Variants in SLC39A9 observed in about 807,000 individuals in gnomAD.
The protein encoded by SLC39A9 is zinc transporter ZIP9.
SLC39A9 carries 14 observed loss-of-function variants against 28.4 expected under a neutral mutation model. The observed-to-expected ratio is 0.49, with a 90% CI of 0.33 to 0.77. The LOEUF (loss-of-function observed/expected upper bound fraction) is 0.77, where lower values mean the gene tolerates loss of function less well. SLC39A9 is among the 30% of genes least tolerant of loss of function. The pLI, the probability that SLC39A9 is intolerant of heterozygous loss-of-function variation, is 0.02. For missense variants in SLC39A9, 283 were observed against 381.1 expected (o/e 0.74, Z 2.14); for synonymous variants, 119 against 149.6 (o/e 0.80, Z 1.49).
At chr14:69,447,965 A>G (rs1566923530) in intron 3 of SLC39A9, among the ~76,000 whole-genome samples, 1 of 150,956 alleles carries the variant, frequency 6.6e-6, no homozygotes, top group Non-Finnish European at 1.5e-5. Flanking sequence ...TTGTAATCCC[A>G]GCACTTTGGG....
intron 3 of SLC39A9, among the ~76,000 whole-genome samples, chr14:69,452,198 T>C (rs1041294473): frequency 1.3e-4 from 20 of 152,196 alleles, no homozygotes; most frequent in Non-Finnish European, 2.8e-4. Flanking sequence ...TTAACTAGAC[T>C]GGACATTGAG....
chr14:69,398,474 A>C (rs778066096), upstream of SLC39A9: 1 of 599,866 alleles, frequency 1.7e-6, no homozygotes, highest in Non-Finnish European at 3.0e-6. Flanking sequence ...TCCAAGCTTT[A>C]GGAAGAATTA....
chr14:69,412,647 A>C (rs1432940332), intron 1 of SLC39A9, among the ~76,000 whole-genome samples: 1 of 152,118 alleles, frequency 6.6e-6, no homozygotes, highest in African/African-American at 2.4e-5. Flanking sequence ...CATTTAATTC[A>C]TTCTTTCAAT....
At chr14:69,443,736 G>A (rs1885156304) in intron 3 of SLC39A9, among the ~76,000 whole-genome samples, 1 of 152,064 alleles carries the variant, frequency 6.6e-6, no homozygotes, top group African/African-American at 2.4e-5. Flanking sequence ...TGAGCATAGT[G>A]GTACGCACCT....
Position 69,458,458 on chromosome 14 carries a change from C to T in SLC39A9, c.789C>T (p.Leu263=), listed in dbSNP as rs763452291. Residue 263 remains leucine (L), a synonymous_variant, in exon 7 of 7, where the codon CTC becomes CTT. Coordinates refer to ENST00000336643, the MANE Select transcript of SLC39A9 (RefSeq NM_018375.5). The stretch of plus-strand genomic sequence containing the variant: ...TTTATGTTGCCACAGTACATGTCCT[C>T]CCTGAGGTGGGCGGAATAGGGCACA... ...TFLYVATVHV[L]PEVGGIGHSH... is the part of the protein sequence containing the mutation. The T allele has an allele frequency of 2.5e-6, 4 of 1,614,238 alleles. No homozygotes were observed. The South Asian group carries it at 4.4e-5, about 18-fold the overall frequency.
intron 3 of SLC39A9, among the ~76,000 whole-genome samples, chr14:69,451,879 C>G (rs1425916526): frequency 6.6e-6 from 1 of 152,064 alleles, no homozygotes; most frequent in East Asian, 1.9e-4. Context: ...CCACACTTGG[C>G]TAAATTTTAA....
At chr14:69,441,802 C>T (rs1885062138) in intron 2 of SLC39A9, 1 of 1,156,766 alleles carries the variant, frequency 8.6e-7, no homozygotes, top group Non-Finnish European at 1.1e-6. Context: ...TGATTGCTTT[C>T]TTGCATGGTG....
chr14:69,407,701 C>T (rs59140419), intron 1 of SLC39A9, among the ~76,000 whole-genome samples: 1,757 of 144,448 alleles, frequency 0.012, 34 homozygotes, highest in African/African-American at 0.041. Flanking sequence ...TGCAATGGCA[C>T]GATCTCGGCT....
At chr14:69,451,469 G>A (rs1317444471) in intron 3 of SLC39A9, among the ~76,000 whole-genome samples, 1 of 152,114 alleles carries the variant, frequency 6.6e-6, no homozygotes, top group Non-Finnish European at 1.5e-5. Context: ...TCTTCAGCAA[G>A]GATTTATTAA....
At chr14:69,439,256 C>T (rs1884930128) in intron 2 of SLC39A9, among the ~76,000 whole-genome samples, 1 of 152,084 alleles carries the variant, frequency 6.6e-6, no homozygotes, top group African/African-American at 2.4e-5. Flanking sequence ...GGGTGCAGCA[C>T]ACCAACATGG....
intron 1 of SLC39A9, among the ~76,000 whole-genome samples, chr14:69,403,985 G>C (rs1003894261): frequency 6.6e-6 from 1 of 152,222 alleles, no homozygotes; most frequent in Non-Finnish European, 1.5e-5. Context: ...GGAGGTTGCA[G>C]TGAACCAACA....
Position 69,449,845 on chromosome 14 carries a change from C to G in SLC39A9, c.404-3396C>G, listed in dbSNP as rs773989262. On this transcript the variant is annotated intron_variant, in intron 3 of 6. Coordinates refer to ENST00000336643, the MANE Select transcript of SLC39A9 (RefSeq NM_018375.5). ...TCTAGTTTCCCTCTGACATCCTGCT[C>G]TGTGTGTGTGTGTGTGTGTATACAC... Among the ~76,000 whole-genome samples, 5 of 150,060 alleles carry G rather than the reference C, an allele frequency of 3.3e-5. No individual in the cohort carries two copies. In the East Asian group the frequency reaches 7.8e-4, roughly 24 times the overall value.
intron 3 of SLC39A9, among the ~76,000 whole-genome samples, chr14:69,449,001 A>G (rs1885474695): frequency 6.6e-6 from 1 of 152,194 alleles, no homozygotes; most frequent in Non-Finnish European, 1.5e-5. Context: ...TTTTTTTACT[A>G]TTCTTGCAAC....
intron 3 of SLC39A9, among the ~76,000 whole-genome samples, chr14:69,452,633 G>C (rs1403207820): frequency 6.6e-6 from 1 of 152,024 alleles, no homozygotes; most frequent in Non-Finnish European, 1.5e-5. Context: ...CCCGGCCAAG[G>C]GTGGTGTTTT....
chr14:69,453,090 A>G, intron 3 of SLC39A9, 151 bp from the exon 4 acceptor site: 1 of 660,564 alleles, frequency 1.5e-6, no homozygotes, highest in East Asian at 2.7e-5. Flanking sequence ...TCATCTCAAC[A>G]CTTTGGGAGG....
Position 69,446,964 on chromosome 14 carries a change from A to C in SLC39A9, c.403+4698A>C, listed in dbSNP as rs933911850. Among the ~76,000 whole-genome samples the C allele has an allele frequency of 1.4e-3, 209 of 146,682 alleles. 1 individual carries two copies. The highest frequency in any genetic ancestry group is 6.5e-3 in the East Asian group (32 of 4,926). On this transcript the variant is annotated intron_variant, in intron 3 of 6. Transcript: ENST00000336643. ...TATATATATAGAGAGAGAGAGAGAG[A>C]GAGCGAGAGAGAGAGAGAGAGCACT...
At position 69,398,778 on chromosome 14, in the gene SLC39A9, C is replaced by A. The variant is rs1882452783; in HGVS notation, c.-592C>A. 1.5e-5 allele frequency: 3 copies of A among 197,008 alleles called. No individual in the cohort carries two copies. The highest frequency in any genetic ancestry group is 3.2e-5 in the Non-Finnish European group (3 of 94,822). 12.2% of individuals were successfully genotyped at this position (197,008 alleles called of 1,614,324 possible). A position where few individuals can be genotyped will look rare whatever the true frequency, so the allele number is the denominator to read the frequency against. ...GTCGAGTGCAGTACCATGGGCAGCA[C>A]CGGGTATAGGGCAGAGACAGCTTTG... On this transcript the variant is annotated 5_prime_UTR_variant, in exon 1 of 7. Coordinates refer to ENST00000336643, the MANE Select transcript of SLC39A9 (RefSeq NM_018375.5).
intron 1 of SLC39A9, among the ~76,000 whole-genome samples, chr14:69,413,122 C>T (rs367994264): frequency 0.012 from 1,844 of 152,180 alleles, 21 homozygotes; most frequent in Middle Eastern, 0.037. Context: ...TTTGGGAGGC[C>T]GAGGCAGGCA....
At chr14:69,422,128 G>A (rs949968243) in intron 1 of SLC39A9, among the ~76,000 whole-genome samples, 1 of 152,172 alleles carries the variant, frequency 6.6e-6, no homozygotes, top group African/African-American at 2.4e-5. Context: ...TTCCTATTCG[G>A]CCATCTTGGA....
Sources: gnomAD v4.1 joint callset for allele counts (sites outside exome capture counted in the v4.1 genomes callset) on GRCh38, gnomAD v4.1.1 for gene constraint, MANE v1.5 for transcripts, NCBI Gene and HGNC (gene_info 2026-07-23, HGNC 2026-07-21) for gene names.